The following ADK variants were observed in gnomAD, a reference collection of about 807,000 sequenced individuals.
ADK encodes the protein adenosine kinase.
Under a neutral mutation model 44.7 loss-of-function variants are expected in ADK, and 24 were observed. The ratio of observed to expected loss-of-function variants is 0.54; its 90% confidence interval spans 0.39 to 0.76. The LOEUF (loss-of-function observed/expected upper bound fraction) is 0.76. Among genes scored for constraint, ADK ranks in the 30% least tolerant of loss-of-function variants. The pLI is 0.00. For synonymous variants in ADK, 128 were observed against 142.6 expected (o/e 0.90, Z 0.73); for missense variants, 321 against 425.1 (o/e 0.76, Z 2.15).
chr10:74,638,572 C>T (rs1853705711), intron 9 of ADK, among the ~76,000 whole-genome samples: 1 of 152,216 alleles, frequency 6.6e-6, no homozygotes. Flanking sequence ...CAGGTGATCA[C>T]ATGAGCTGAG....
chr10:74,323,671 C>T (rs1219682017), intron 4 of ADK, among the ~76,000 whole-genome samples: 1 of 150,952 alleles, frequency 6.6e-6, no homozygotes, highest in African/African-American at 2.4e-5. Flanking sequence ...CCCGGGGTCA[C>T]ACCATTCTCC....
chr10:74,651,413 A>G (rs1346400986), intron 9 of ADK, among the ~76,000 whole-genome samples: 1 of 152,204 alleles, frequency 6.6e-6, no homozygotes, highest in Non-Finnish European at 1.5e-5. Flanking sequence ...ACTCTCCTGT[A>G]GAATGGGAAA....
At chr10:74,629,606 A>C (rs1454733042) in intron 9 of ADK, among the ~76,000 whole-genome samples, 1 of 152,196 alleles carries the variant, frequency 6.6e-6, no homozygotes, top group Non-Finnish European at 1.5e-5. Context: ...CCTTACTTCA[A>C]AGAGCTTATA....
intron 4 of ADK, among the ~76,000 whole-genome samples, chr10:74,320,717 TA>T (rs1160228628): frequency 1.3e-5 from 2 of 152,206 alleles, no homozygotes; most frequent in African/African-American, 2.4e-5. Context: ...CCCACTGTTT[TA>T]ACTAGTAACC....
chr10:74,698,584 C>T (rs1055167676), intron 10 of ADK, among the ~76,000 whole-genome samples: 10 of 152,136 alleles, frequency 6.6e-5, no homozygotes, highest in Non-Finnish European at 1.5e-4. Context: ...GATAGTGTCT[C>T]ACTCTCTCTC....
intron 6 of ADK, among the ~76,000 whole-genome samples, chr10:74,440,747 T>G (rs1395706753): frequency 6.6e-6 from 1 of 152,160 alleles, no homozygotes; most frequent in East Asian, 1.9e-4. Flanking sequence ...CGCATAATTG[T>G]ATATGCTTAT....
At chr10:74,415,955 TAAAG>T (rs895451403) in intron 6 of ADK, among the ~76,000 whole-genome samples, 1 of 151,808 alleles carries the variant, frequency 6.6e-6, no homozygotes, top group Non-Finnish European at 1.5e-5. Context: ...GCAAGTGTTA[TAAAG>T]AGTCTTTTAA....
chr10:74,203,423 A>G (rs879514174), intron 2 of ADK, among the ~76,000 whole-genome samples: 29 of 152,186 alleles, frequency 1.9e-4, no homozygotes, highest in Admixed American at 9.8e-4. Context: ...CAGTGATGCA[A>G]TCATAGCTCA....
chr10:74,196,887 T>C (rs1369666945), intron 1 of ADK, among the ~76,000 whole-genome samples: 2 of 152,186 alleles, frequency 1.3e-5, no homozygotes, highest in Non-Finnish European at 2.9e-5. Context: ...AAAGCTTTAT[T>C]AGGTGGTCCA....
chr10:74,152,759 A>G (rs1320511039), intron 1 of ADK, among the ~76,000 whole-genome samples: 2 of 152,230 alleles, frequency 1.3e-5, no homozygotes, highest in African/African-American at 2.4e-5. Context: ...AAATAAAACA[A>G]TTAGTACAGG....
intron 6 of ADK, among the ~76,000 whole-genome samples, chr10:74,436,810 T>C (rs905311245): frequency 6.6e-6 from 1 of 152,140 alleles, no homozygotes; most frequent in Non-Finnish European, 1.5e-5. Context: ...ATGAAAAACA[T>C]AGGAGACAAT....
intron 4 of ADK, among the ~76,000 whole-genome samples, chr10:74,376,513 T>G (rs1842823693): frequency 6.6e-6 from 1 of 152,088 alleles, no homozygotes. Context: ...TTTAAGTACC[T>G]CTCCTATGAA....
chr10:74,327,615 A>T (rs1479670329), intron 4 of ADK, among the ~76,000 whole-genome samples: 1 of 152,124 alleles, frequency 6.6e-6, no homozygotes, highest in African/African-American at 2.4e-5. Context: ...TAGGTAGAGG[A>T]TCAGAAAAAA....
At chr10:74,499,197 G>A (rs1009064596) in intron 6 of ADK, among the ~76,000 whole-genome samples, 10 of 152,034 alleles carry the variant, frequency 6.6e-5, no homozygotes, top group African/African-American at 1.2e-4. Flanking sequence ...GACTACAGGC[G>A]TGTGCCATCA....
intron 1 of ADK, among the ~76,000 whole-genome samples, chr10:74,154,920 T>C (rs1003843102): frequency 2.0e-5 from 3 of 152,242 alleles, no homozygotes; most frequent in Non-Finnish European, 2.9e-5. Flanking sequence ...GCTCTACTTA[T>C]TCATCACGGC....
intron 3 of ADK, among the ~76,000 whole-genome samples, chr10:74,310,098 C>T (rs1840383855): frequency 6.6e-6 from 1 of 152,056 alleles, no homozygotes; most frequent in Admixed American, 6.6e-5. Context: ...GGATCAGGTA[C>T]TGTCCTTCCA....
chr10:74,594,058 C>T (rs1015236482), intron 8 of ADK, among the ~76,000 whole-genome samples: 3 of 152,024 alleles, frequency 2.0e-5, no homozygotes, highest in Non-Finnish European at 4.4e-5. Flanking sequence ...AAGCTAGAAA[C>T]TATCATTCTC....
chr10:74,365,342 A>G (rs745622055), intron 4 of ADK, among the ~76,000 whole-genome samples: 1 of 152,144 alleles, frequency 6.6e-6, no homozygotes, highest in Non-Finnish European at 1.5e-5. Context: ...GGGTTTACCT[A>G]TTCTGGAGGT....
At chr10:74,160,690 G>GGTGTGTGTGT (rs779393232) in intron 1 of ADK, among the ~76,000 whole-genome samples, 92 of 136,310 alleles carry the variant, frequency 6.7e-4, no homozygotes, top group African/African-American at 2.4e-3. Context: ...TGCAGGTAGG[G>GGTGTGTGTGT]GTGTGTGTGT....
Sources: allele counts gnomAD v4.1 joint callset (sites outside exome capture counted in the v4.1 genomes callset), GRCh38; gene constraint gnomAD v4.1.1; transcripts MANE v1.5; gene names NCBI Gene and HGNC (gene_info 2026-07-23, HGNC 2026-07-21).